The following CLIP4 variants were observed in gnomAD, a reference collection of about 807,000 sequenced individuals.
CLIP4 encodes the protein CAP-Gly domain containing linker protein family member 4.
In CLIP4, 47 loss-of-function variants were observed where a neutral mutation model predicts 73.1. The observed-to-expected ratio is 0.64, with a 90% CI of 0.51 to 0.82. The LOEUF is 0.82. CLIP4 is among the 40% of genes least tolerant of loss of function. The probability of loss-of-function intolerance (pLI) is 0.00; values close to 1 mark genes in which losing one functional copy is unlikely to be tolerated. For synonymous variants in CLIP4, 306 were observed against 295.4 expected, an observed-to-expected ratio of 1.04 and a Z score of -0.37; for missense variants, 874 against 852.9, an observed-to-expected ratio of 1.02 and a Z score of -0.31.
Position 29,101,031 on chromosome 2 carries a change from C to A in CLIP4, c.-16+3084C>A, listed in dbSNP as rs144339395. Among the ~76,000 whole-genome samples the A allele has an allele frequency of 3.6e-3, 542 of 152,086 alleles. 6 individuals carry two copies. Among genetic ancestry groups the A allele is most frequent in the African/African-American group, 0.012 (499 of 41,474 alleles). ...GCCGCCCAAGTGCAGTGGTTCACAC[C>A]TGTAATTCCAGCACTTCGGGAGGCA... On this transcript the variant is annotated intron_variant, in intron 1 of 14. Transcript: ENST00000401605.
At chr2:29,168,706 T>G (rs1405324276) in intron 14 of CLIP4, among the ~76,000 whole-genome samples, 1 of 151,400 alleles carries the variant, frequency 6.6e-6, no homozygotes, top group Non-Finnish European at 1.5e-5. Flanking sequence ...GTATTTTTAG[T>G]AGAGACGGGG....
At chr2:29,140,469 C>T (rs1253356580) in intron 6 of CLIP4, among the ~76,000 whole-genome samples, 2 of 152,112 alleles carry the variant, frequency 1.3e-5, no homozygotes, top group African/African-American at 4.8e-5. Flanking sequence ...TTTCTTAATC[C>T]AGTCTATCAT....
At chr2:29,098,887 T>C (rs1667955266) in intron 1 of CLIP4, among the ~76,000 whole-genome samples, 2 of 152,220 alleles carry the variant, frequency 1.3e-5, no homozygotes, top group Admixed American at 1.3e-4. Context: ...TGTTGCTGTT[T>C]AGGATTTTAG....
At chr2:29,113,587 C>G (rs143390632), upstream of CLIP4, among the ~76,000 whole-genome samples, 769 of 152,296 alleles carry the variant, frequency 5.0e-3, 7 homozygotes, top group African/African-American at 0.017. This position sits in a 1 kb window ranked among gnomAD's most constrained non-coding sequence, Gnocchi z 4.0. Flanking sequence ...GGCTTGGTAT[C>G]CTGGGAATTT....
intron 13 of CLIP4, among the ~76,000 whole-genome samples, chr2:29,166,798 G>A (rs1667653116): frequency 6.6e-6 from 1 of 152,126 alleles, no homozygotes; most frequent in Non-Finnish European, 1.5e-5. Context: ...ATGTGAAATT[G>A]CAAATATTTC....
chr2:29,123,425 G>T (rs2148467764), intron 2 of CLIP4, among the ~76,000 whole-genome samples: 1 of 152,216 alleles, frequency 6.6e-6, no homozygotes, highest in East Asian at 1.9e-4. Context: ...ACAAACAAAT[G>T]AATAGACAAA....
chr2:29,126,960 C>T (rs1664648112), intron 2 of CLIP4, among the ~76,000 whole-genome samples: 1 of 152,140 alleles, frequency 6.6e-6, no homozygotes, highest in South Asian at 2.1e-4. Flanking sequence ...ATAAACAGGA[C>T]TAGAATCTGA....
intron 9 of CLIP4, among the ~76,000 whole-genome samples, chr2:29,155,326 C>T (rs531663813): frequency 6.6e-6 from 1 of 152,082 alleles, no homozygotes; most frequent in Non-Finnish European, 1.5e-5. Context: ...AACGTGAACA[C>T]TCTTGAAACA....
chr2:29,125,096 G>A (rs1371406720), intron 2 of CLIP4, among the ~76,000 whole-genome samples: 1 of 152,108 alleles, frequency 6.6e-6, no homozygotes, highest in African/African-American at 2.4e-5. Flanking sequence ...TTTCTGATTT[G>A]TTAGGTGGGT....
intron 1 of CLIP4, among the ~76,000 whole-genome samples, chr2:29,103,187 G>A (rs950012350): frequency 2.0e-5 from 3 of 152,046 alleles, no homozygotes; most frequent in African/African-American, 4.8e-5. Flanking sequence ...ATATCAGATA[G>A]TTGGTTAAAT....
At chr2:29,176,025 T>G (rs928365725) in intron 15 of CLIP4, among the ~76,000 whole-genome samples, 3 of 152,192 alleles carry the variant, frequency 2.0e-5, no homozygotes, top group Non-Finnish European at 4.4e-5. Context: ...CCTCCCAAAG[T>G]GTTGGGATTA....
upstream of CLIP4, among the ~76,000 whole-genome samples, chr2:29,112,185 T>G (rs1668400807): frequency 6.6e-6 from 1 of 152,326 alleles, no homozygotes. Flanking sequence ...TGACATAATA[T>G]CTGGCATGGC....
intron 9 of CLIP4, among the ~76,000 whole-genome samples, chr2:29,154,827 G>T (rs902557866): frequency 7.2e-5 from 11 of 152,132 alleles, no homozygotes; most frequent in African/African-American, 2.7e-4. Flanking sequence ...CATTGCAGAG[G>T]CTGCGGAAGC....
intron 6 of CLIP4, among the ~76,000 whole-genome samples, chr2:29,140,898 T>C (rs1665718790): frequency 6.6e-6 from 1 of 152,112 alleles, no homozygotes; most frequent in East Asian, 1.9e-4. Context: ...GTGTCTGTTC[T>C]TATTTTTCTA....
chr2:29,136,383 A>C (rs1169676286), intron 6 of CLIP4, among the ~76,000 whole-genome samples: 1 of 151,704 alleles, frequency 6.6e-6, no homozygotes, highest in Non-Finnish European at 1.5e-5. Context: ...CTTCTTTGCC[A>C]GTTTTCTTTC....
chr2:29,167,456 G>T lies in CLIP4; in HGVS notation c.1659-20G>T. ...GAAGACCAGCTACTTCTAACGAGAT[G>T]TCCTTTGTTTTATTCATAGAGTAAC... is the stretch of plus-strand genomic sequence containing the variant. On this transcript the variant is annotated intron_variant, in intron 13 of 15. Coordinates refer to ENST00000320081, the MANE Select transcript of CLIP4 (RefSeq NM_024692.6). The T allele has an allele frequency of 6.4e-7, 1 of 1,569,298 alleles. No individual in the cohort carries two copies.
At chr2:29,137,062 A>G (rs1276951778) in intron 6 of CLIP4, among the ~76,000 whole-genome samples, 2 of 151,862 alleles carry the variant, frequency 1.3e-5, no homozygotes, top group African/African-American at 2.4e-5. Context: ...TTCAGGGAGT[A>G]TATGTACAGG....
Position 29,166,445 on chromosome 2 carries a change from C to T in CLIP4, c.1659-1031C>T, listed in dbSNP as rs186591170. 6.0e-3 allele frequency among the ~76,000 whole-genome samples: 911 copies of T among 151,924 alleles called. 6 individuals are homozygous for T. The highest frequency in any genetic ancestry group is 1.0e-2 in the Admixed American group (152 of 15,242). ...TAACTTTCACTTATTTAATACCTTT[C>T]TTCTGCTAATATATGAATCAGTCAA... On this transcript the variant is annotated intron_variant, in intron 13 of 15. Coordinates refer to ENST00000320081, the MANE Select transcript of CLIP4 (RefSeq NM_024692.6).
At chr2:29,106,620 A>G (rs1261741455) in intron 1 of CLIP4, among the ~76,000 whole-genome samples, 4 of 152,162 alleles carry the variant, frequency 2.6e-5, no homozygotes, top group African/African-American at 4.8e-5. Context: ...GTTCCAATTC[A>G]GGTTCCCCAC....
Sources: allele counts gnomAD v4.1 joint callset (sites outside exome capture counted in the v4.1 genomes callset), GRCh38; gene constraint gnomAD v4.1.1; non-coding constraint Gnocchi (gnomAD v3.1); transcripts MANE v1.5; gene names NCBI Gene and HGNC (gene_info 2026-07-23, HGNC 2026-07-21).